The following SLC29A3 variants were observed in gnomAD, a reference collection of about 807,000 sequenced individuals.
SLC29A3 encodes the protein equilibrative nucleoside transporter 3.
A neutral mutation model predicts 25.4 loss-of-function variants in SLC29A3; 18 were observed. That is an observed-to-expected ratio of 0.71 (90% CI 0.49 to 1.05). The LOEUF is 1.05. Among genes scored for constraint, SLC29A3 ranks in the 50% least tolerant of loss-of-function variants. The pLI is 0.00. For synonymous variants in SLC29A3, 258 were observed against 267.1 expected (o/e 0.97, Z 0.33); for missense variants, 586 against 609.0 (o/e 0.96, Z 0.40).
At chr10:71,321,746 T>C (rs1405626598) in intron 1 of SLC29A3, among the ~76,000 whole-genome samples, 1 of 152,242 alleles carries the variant, frequency 6.6e-6, no homozygotes, top group East Asian at 1.9e-4. Flanking sequence ...CCCAAGGCCA[T>C]GTAGGCAATA....
chr10:71,319,407 G>A, intron 1 of SLC29A3, 97 bp downstream of exon 1: 2 of 533,798 alleles, frequency 3.7e-6, no homozygotes, highest in Non-Finnish European at 6.6e-6. Context: ...GGGCGGCTGC[G>A]GGCTGCCAGG....
At chr10:71,337,827 G>A (rs1011700599) in intron 2 of SLC29A3, among the ~76,000 whole-genome samples, 1 of 152,224 alleles carries the variant, frequency 6.6e-6, no homozygotes, top group Non-Finnish European at 1.5e-5. Flanking sequence ...GCCTCTCAGT[G>A]TGGCGGAGGA....
At chr10:71,332,091 C>G (rs2131809040) in intron 2 of SLC29A3, among the ~76,000 whole-genome samples, 1 of 152,082 alleles carries the variant, frequency 6.6e-6, no homozygotes, top group South Asian at 2.1e-4. Context: ...GTTTAGACTC[C>G]CTTTGCAATC....
intron 4 of SLC29A3, among the ~76,000 whole-genome samples, chr10:71,353,632 A>T (rs1846820681): frequency 6.6e-6 from 1 of 152,134 alleles, no homozygotes; most frequent in African/African-American, 2.4e-5. Flanking sequence ...TCACCACTGT[A>T]TTGGGCCCTC....
chr10:71,334,956 C>CT (rs59654006), intron 2 of SLC29A3, among the ~76,000 whole-genome samples: 3,560 of 129,286 alleles, frequency 0.028, 193 homozygotes, highest in African/African-American at 0.093. Context: ...CTTTTTTTTT[C>CT]TTTTTTTTTT....
intron 3 of SLC29A3, among the ~76,000 whole-genome samples, chr10:71,347,765 T>A (rs1343382857): frequency 6.6e-6 from 1 of 152,212 alleles, no homozygotes; most frequent in Non-Finnish European, 1.5e-5. Flanking sequence ...CGTTCCACAC[T>A]GCATCGTTTC....
At chr10:71,378,804 T>C (rs1174266821) in intron 4 of SLC29A3, among the ~76,000 whole-genome samples, 2 of 152,208 alleles carry the variant, frequency 1.3e-5, no homozygotes, top group Non-Finnish European at 2.9e-5. Flanking sequence ...GTAACCTGCT[T>C]GATAACACAT....
intron 2 of SLC29A3, among the ~76,000 whole-genome samples, chr10:71,333,126 G>A (rs149911388): frequency 4.3e-4 from 66 of 152,356 alleles, no homozygotes; most frequent in African/African-American, 1.5e-3. Context: ...TGTCCAGAGA[G>A]CGGAACCTAA....
intron 4 of SLC29A3, among the ~76,000 whole-genome samples, chr10:71,377,106 T>TGAA (rs1329089075): frequency 1.3e-5 from 2 of 152,298 alleles, no homozygotes; most frequent in East Asian, 3.9e-4. Context: ...GTCACAGAGC[T>TGAA]GAACCAAGAT....
intron 3 of SLC29A3, among the ~76,000 whole-genome samples, chr10:71,369,200 A>G (rs1326371761): frequency 6.6e-6 from 1 of 152,222 alleles, no homozygotes; most frequent in Non-Finnish European, 1.5e-5. Context: ...TTGATCTTGG[A>G]TCTTCCAGCC....
intron 2 of SLC29A3, among the ~76,000 whole-genome samples, chr10:71,326,156 G>C (rs1424198974): frequency 6.6e-6 from 1 of 152,030 alleles, no homozygotes; most frequent in Non-Finnish European, 1.5e-5. Flanking sequence ...CTGGGCTCAA[G>C]AGATCCGCCC....
chr10:71,360,479 C>G (rs575230768), intron 5 of SLC29A3, among the ~76,000 whole-genome samples: 1 of 152,240 alleles, frequency 6.6e-6, no homozygotes, highest in African/African-American at 2.4e-5. Context: ...TAAACCAATG[C>G]AATTACTGTA....
At chr10:71,325,820 G>T (rs2131800718) in intron 2 of SLC29A3, among the ~76,000 whole-genome samples, 1 of 152,188 alleles carries the variant, frequency 6.6e-6, no homozygotes, top group East Asian at 1.9e-4. Flanking sequence ...AGCCCCTCGG[G>T]TGACTGAAGG....
chr10:71,366,699 T>G (rs1433614776), downstream of SLC29A3, among the ~76,000 whole-genome samples: 1 of 152,162 alleles, frequency 6.6e-6, no homozygotes, highest in Non-Finnish European at 1.5e-5. Flanking sequence ...GGAGGTGATG[T>G]GGGCGCTTAA....
chr10:71,331,076 C>G (rs1374090906), intron 2 of SLC29A3, among the ~76,000 whole-genome samples: 2 of 152,110 alleles, frequency 1.3e-5, no homozygotes, highest in Non-Finnish European at 2.9e-5. Flanking sequence ...ATGGCTGTCT[C>G]ACCTGGCAAG....
At chr10:71,335,308 A>C (rs1846219217) in intron 2 of SLC29A3, among the ~76,000 whole-genome samples, 1 of 152,132 alleles carries the variant, frequency 6.6e-6, no homozygotes, top group African/African-American at 2.4e-5. Context: ...ATCGGCCCTC[A>C]GCCACCCTTG....
intron 3 of SLC29A3, among the ~76,000 whole-genome samples, chr10:71,346,196 T>A (rs1846575064): frequency 6.6e-6 from 1 of 152,210 alleles, no homozygotes; most frequent in Non-Finnish European, 1.5e-5. Context: ...TCCTGGGCCA[T>A]GGGTCAGGAG....
intron 2 of SLC29A3, among the ~76,000 whole-genome samples, chr10:71,335,887 C>T (rs978150030): frequency 7.9e-5 from 12 of 151,898 alleles, no homozygotes; most frequent in East Asian, 1.9e-4. Context: ...GGGCAGGAAA[C>T]GAAGGATGGA....
chr10:71,377,955 GGGCATGAACTCAGGT>G (rs1847272929), intron 4 of SLC29A3, among the ~76,000 whole-genome samples: 1 of 151,978 alleles, frequency 6.6e-6, no homozygotes, highest in Non-Finnish European at 1.5e-5. Context: ...GAACTTGGGT[GGGCATGAACTCAGGT>G]GGCTTGAGTT....
Sources: allele counts gnomAD v4.1 joint callset (sites outside exome capture counted in the v4.1 genomes callset), GRCh38; gene constraint gnomAD v4.1.1; transcripts MANE v1.5; gene names NCBI Gene and HGNC (gene_info 2026-07-23, HGNC 2026-07-21).